The following FHIP1A variants were observed in gnomAD, a reference collection of about 807,000 sequenced individuals.
FHIP1A encodes FHF complex subunit HOOK-interacting protein 1A.
A neutral mutation model predicts 88.6 loss-of-function variants in FHIP1A; 61 were observed. That is an observed-to-expected ratio of 0.69 (90% confidence interval 0.56 to 0.85). The LOEUF is 0.85. Ranked by LOEUF, FHIP1A falls within the 40% of genes least tolerant of loss-of-function variation. FHIP1A has a pLI of 0.00. For synonymous variants in FHIP1A, 478 were observed against 496.0 expected (o/e 0.96, Z 0.48); for missense variants, 1,154 against 1,273.5 (o/e 0.91, Z 1.43).
chr4:151,480,041 T>C (rs1377185095), intron 2 of FHIP1A, among the ~76,000 whole-genome samples: 9 of 152,054 alleles, frequency 5.9e-5, no homozygotes, highest in Non-Finnish European at 4.4e-5. Flanking sequence ...GCTTCCCCCC[T>C]TTTTGGCAGG....
At chr4:151,646,933 C>T (rs531234800) in intron 10 of FHIP1A, among the ~76,000 whole-genome samples, 185 bp downstream of exon 10, 40 of 152,110 alleles carry the variant, frequency 2.6e-4, no homozygotes, top group Non-Finnish European at 4.9e-4. Flanking sequence ...TGTTTATTGA[C>T]GTGCCCAGAT....
intron 2 of FHIP1A, among the ~76,000 whole-genome samples, chr4:151,462,341 G>A (rs952655646): frequency 6.6e-6 from 1 of 151,930 alleles, no homozygotes; most frequent in African/African-American, 2.4e-5. Flanking sequence ...ATCTTTCTTG[G>A]TTTTCTTTCT....
At chr4:151,654,971 C>A (rs1167791870) in intron 11 of FHIP1A, among the ~76,000 whole-genome samples, 2 of 152,122 alleles carry the variant, frequency 1.3e-5, no homozygotes, top group East Asian at 3.8e-4. Flanking sequence ...TTGCAGTTAC[C>A]CTGTTCCTCC....
chr4:151,517,491 A>G (rs1221674611), intron 3 of FHIP1A, among the ~76,000 whole-genome samples: 2 of 152,178 alleles, frequency 1.3e-5, no homozygotes, highest in African/African-American at 2.4e-5. Context: ...TATTCATTAA[A>G]TGCAGCAATA....
chr4:151,425,517 G>C (rs1733330605), intron 1 of FHIP1A, among the ~76,000 whole-genome samples: 1 of 151,956 alleles, frequency 6.6e-6, no homozygotes, highest in Non-Finnish European at 1.5e-5. Context: ...TTTTGTTAAG[G>C]AAATAATAAT....
intron 3 of FHIP1A, among the ~76,000 whole-genome samples, chr4:151,512,029 G>C (rs1731053265): frequency 6.6e-6 from 1 of 152,222 alleles, no homozygotes; most frequent in Admixed American, 6.5e-5. Context: ...CTAACTGGGA[G>C]GCACCCCCTA....
chr4:151,578,080 A>G lies in FHIP1A; in HGVS notation c.732+4A>G. ...GGAGAACACCTACTTTTGTCCAGTA[A>G]GTCTCTTTCCTTGGCATGTTTTCCA... On this transcript the variant is annotated splice_donor_region_variant and intron_variant, in intron 5 of 13. Transcript: ENST00000435205. 1 of 1,545,844 alleles carries G rather than the reference A, an allele frequency of 6.5e-7. No individual in the cohort carries two copies. Among genetic ancestry groups the G allele is most frequent in the Non-Finnish European group, 8.7e-7 (1 of 1,144,188 alleles).
intron 4 of FHIP1A, among the ~76,000 whole-genome samples, chr4:151,574,757 C>A (rs979926410): frequency 6.6e-6 from 1 of 152,210 alleles, no homozygotes; most frequent in African/African-American, 2.4e-5. Context: ...TAGACTCAAT[C>A]ATATATCTAC....
At chr4:151,453,711 G>A (rs1289819740) in intron 1 of FHIP1A, among the ~76,000 whole-genome samples, 14 of 152,002 alleles carry the variant, frequency 9.2e-5, no homozygotes, top group African/African-American at 2.4e-4. Context: ...GCGTGGTGGC[G>A]CATACCTGTA....
At chr4:151,489,708 C>G (rs1580625537) in intron 3 of FHIP1A, among the ~76,000 whole-genome samples, 1 of 152,212 alleles carries the variant, frequency 6.6e-6, no homozygotes. Context: ...TTCCCCGCTT[C>G]CCTGATGACC....
intron 3 of FHIP1A, among the ~76,000 whole-genome samples, chr4:151,509,263 C>T (rs897562975): frequency 3.9e-5 from 6 of 152,010 alleles, no homozygotes; most frequent in African/African-American, 7.2e-5. Context: ...CCTGGGTTCA[C>T]GCCATTCTCC....
At chr4:151,529,634 G>A (rs144189165) in intron 3 of FHIP1A, among the ~76,000 whole-genome samples, 5 of 152,290 alleles carry the variant, frequency 3.3e-5, no homozygotes, top group Non-Finnish European at 4.4e-5. Flanking sequence ...GGCTGCCCCC[G>A]AGCAGTGGTT....
intron 2 of FHIP1A, among the ~76,000 whole-genome samples, chr4:151,481,920 T>C (rs1477516549): frequency 1.3e-5 from 2 of 152,150 alleles, no homozygotes; most frequent in Non-Finnish European, 2.9e-5. Context: ...CATGTTTTTC[T>C]GGTTGTAAGG....
At chr4:151,473,531 T>G (rs1034908921) in intron 2 of FHIP1A, among the ~76,000 whole-genome samples, 2 of 152,194 alleles carry the variant, frequency 1.3e-5, no homozygotes, top group African/African-American at 2.4e-5. Flanking sequence ...TTTATTAAAA[T>G]CTTGCAACAT....
intron 4 of FHIP1A, among the ~76,000 whole-genome samples, chr4:151,576,147 T>TA (rs907416769): frequency 6.6e-6 from 1 of 152,172 alleles, no homozygotes; most frequent in African/African-American, 2.4e-5. Flanking sequence ...AAAGTGGAAG[T>TA]AAGTATCTGT....
At chr4:151,627,870 T>C (rs919724094) in intron 7 of FHIP1A, among the ~76,000 whole-genome samples, 1 of 152,194 alleles carries the variant, frequency 6.6e-6, no homozygotes, top group African/African-American at 2.4e-5. Flanking sequence ...CAGGAAGAAG[T>C]ACATTTTATG....
At chr4:151,580,626 T>C (rs2126795708) in intron 5 of FHIP1A, among the ~76,000 whole-genome samples, 1 of 152,338 alleles carries the variant, frequency 6.6e-6, no homozygotes, top group South Asian at 2.1e-4. Context: ...GATATCTGGC[T>C]TGGAGAAATC....
At chr4:151,573,605 GTC>G (rs1733677734) in intron 4 of FHIP1A, among the ~76,000 whole-genome samples, 1 of 152,006 alleles carries the variant, frequency 6.6e-6, no homozygotes, top group African/African-American at 2.4e-5. Context: ...CCCTGAGACT[GTC>G]TAGATAGCTG....
chr4:151,493,913 C>A (rs181157463), intron 3 of FHIP1A, among the ~76,000 whole-genome samples: 8 of 152,244 alleles, frequency 5.3e-5, no homozygotes, highest in Middle Eastern at 3.4e-3. Context: ...AGGACCGGAA[C>A]AAGACAAGGA....
Sources: allele counts gnomAD v4.1 joint callset (sites outside exome capture counted in the v4.1 genomes callset), GRCh38; gene constraint gnomAD v4.1.1; transcripts MANE v1.5; gene names NCBI Gene and HGNC (gene_info 2026-07-23, HGNC 2026-07-21).